Variants in SLC25A25 observed in about 807,000 individuals in gnomAD.
SLC25A25 encodes the protein mitochondrial adenyl nucleotide antiporter SLC25A25.
SLC25A25 carries 32 observed loss-of-function variants against 57.7 expected under a neutral mutation model. The observed-to-expected ratio is 0.55, with a 90% confidence interval of 0.42 to 0.74. SLC25A25 has a LOEUF of 0.74. Among genes scored for constraint, SLC25A25 ranks in the 30% least tolerant of loss-of-function variants. The pLI, the probability that SLC25A25 is intolerant of heterozygous loss-of-function variation, is 0.00. For synonymous variants in SLC25A25, 306 were observed against 291.2 expected (o/e 1.05, Z -0.52); for missense variants, 556 against 701.3 (o/e 0.79, Z 2.34).
chr9:128,106,237 A>C lies in SLC25A25; in HGVS notation c.1024A>C (p.Ser342Arg). 1 of 1,614,162 alleles carries C rather than the reference A, an allele frequency of 6.2e-7. No homozygotes were observed. The highest frequency in any genetic ancestry group is 2.2e-5 in the East Asian group (1 of 44,882). Reference protein sequence around the residue: ...AGSLAGAIAQSSIYPMEVLKT... With the variant: ...AGSLAGAIAQRSIYPMEVLKT... ...GTCCTTGGCAGGGGCCATCGCCCAG[A>C]GCAGCATCTACCCAATGGAGGTGAG... The change falls in exon 8 of 11, where the codon AGC becomes CGC. Residue 342 changes from serine to arginine, a missense_variant. By Grantham distance (110) the Ser-to-Arg change is moderately radical. Coordinates refer to ENST00000373069, the MANE Select transcript of SLC25A25 (RefSeq NM_001330988.2).
chr9:128,105,449 G>T (rs1378336945), intron 6 of SLC25A25, among the ~76,000 whole-genome samples: 2 of 151,858 alleles, frequency 1.3e-5, no homozygotes, highest in Non-Finnish European at 2.9e-5. Context: ...GGGATTACAG[G>T]CATGAGCCAC....
intron 1 of SLC25A25, among the ~76,000 whole-genome samples, chr9:128,094,994 C>T (rs10819355): frequency 0.13 from 19,123 of 152,232 alleles, 1,311 homozygotes; most frequent in South Asian, 0.22. Flanking sequence ...AGCGAGGCAT[C>T]GCACACAATG....
intron 1 of SLC25A25, among the ~76,000 whole-genome samples, chr9:128,084,075 A>C (rs1833221117): frequency 6.6e-6 from 1 of 151,990 alleles, no homozygotes; most frequent in South Asian, 2.1e-4. Flanking sequence ...GTATTCCATT[A>C]CTGTTCTCTG....
chr9:128,081,171 C>T (rs903982549), intron 1 of SLC25A25, among the ~76,000 whole-genome samples: 3 of 152,180 alleles, frequency 2.0e-5, no homozygotes, highest in Non-Finnish European at 4.4e-5. Context: ...CATCCAGTTG[C>T]CCTCCCACCC....
intron 1 of SLC25A25, among the ~76,000 whole-genome samples, chr9:128,084,359 C>T (rs1362595458): frequency 1.3e-5 from 2 of 151,592 alleles, no homozygotes; most frequent in Non-Finnish European, 2.9e-5. Context: ...CTCCTGGGTT[C>T]AAGCGATTCT....
chr9:128,095,556 T>C lies in SLC25A25; in HGVS notation c.262-5540T>C, dbSNP rs1444986859. On this transcript the variant is annotated intron_variant, in intron 1 of 10. Transcript: ENST00000373069. The surrounding 1 kb of genome is among the most constrained non-coding windows in gnomAD (Gnocchi z 4.4). ...GTCTTGAGTTACCTGTGAAACTCAG[T>C]AGGATGGATGATTTAAAAAACCAAA... is the stretch of plus-strand genomic sequence containing the variant. 1.3e-5 allele frequency among the ~76,000 whole-genome samples: 2 copies of C among 152,196 alleles called. No homozygotes were observed. Among genetic ancestry groups the C allele is most frequent in the South Asian group, 2.1e-4 (1 of 4,832 alleles).
intron 1 of SLC25A25, among the ~76,000 whole-genome samples, chr9:128,073,942 C>T (rs1431021416): frequency 6.6e-6 from 1 of 152,080 alleles, no homozygotes; most frequent in African/African-American, 2.4e-5. Context: ...CCATTTTGGC[C>T]AGGCTGGTAT....
At chr9:128,081,338 T>C (rs995565866) in intron 1 of SLC25A25, among the ~76,000 whole-genome samples, 1 of 152,252 alleles carries the variant, frequency 6.6e-6, no homozygotes, top group African/African-American at 2.4e-5. Flanking sequence ...TCCTGAGATC[T>C]GTTTTCAGAA....
At chr9:128,092,201 T>C (rs1833429481) in intron 1 of SLC25A25, 3 of 1,380,400 alleles carry the variant, frequency 2.2e-6, no homozygotes, top group Non-Finnish European at 2.9e-6. Context: ...TAGTTCGGGG[T>C]TCAGGGAGAA....
chr9:128,079,193 G>C (rs1833082888), intron 1 of SLC25A25, among the ~76,000 whole-genome samples: 1 of 152,048 alleles, frequency 6.6e-6, no homozygotes, highest in Non-Finnish European at 1.5e-5. Context: ...CTCATTTTCT[G>C]CAGGGTCAGT....
In SLC25A25 at chr9:128,070,874, C is replaced by T. The variant is rs376537216; in HGVS notation, c.261+2294C>T. Among the ~76,000 whole-genome samples the T allele has an allele frequency of 2.7e-4, 39 of 142,290 alleles. 1 individual carries two copies. In the East Asian group the frequency reaches 7.1e-3, roughly 26 times the overall value. 93.3% of individuals were successfully genotyped at this position (142,290 alleles called of 152,430 possible). A position where few individuals can be genotyped will look rare whatever the true frequency, so the allele number is the denominator to read the frequency against. On this transcript the variant is annotated intron_variant, in intron 1 of 10. Transcript: ENST00000373069. ...CTGAGGCAGGAGAATCGCTTGAACC[C>T]GGGAGGCGGAGATTGCGGTGAGCTG...
At position 128,108,624 on chromosome 9, in the gene SLC25A25, GTTGATTGTACCT is replaced by G. The variant is rs1412216815; in HGVS notation, c.*1182_*1193del. 1 of 163,326 alleles carries G rather than the reference GTTGATTGTACCT, an allele frequency of 6.1e-6. No individual in the cohort carries two copies. Among genetic ancestry groups the G allele is most frequent in the Non-Finnish European group, 1.3e-5 (1 of 75,862 alleles). The allele number at this position is 163,326 out of a possible 1,614,324, so 10.1% of individuals were successfully genotyped here. On this transcript the variant is annotated 3_prime_UTR_variant, in exon 11 of 11. Transcript: ENST00000373069. ...TTTTTTATTCATATTTATGTTCATG[GTTGATTGTACCT>G]TCCCAAGCCCGCCCAGTGGGATGGG... is the stretch of plus-strand genomic sequence containing the variant.
intron 1 of SLC25A25, 105 bp downstream of exon 1, chr9:128,068,685 C>T: frequency 1.7e-5 from 21 of 1,248,104 alleles, no homozygotes; most frequent in Non-Finnish European, 2.2e-5. Flanking sequence ...CCCCACTGTC[C>T]AGAGGAAGGG....
At chr9:128,097,155 T>C (rs1329131151) in intron 1 of SLC25A25, among the ~76,000 whole-genome samples, 3 of 152,198 alleles carry the variant, frequency 2.0e-5, no homozygotes, top group African/African-American at 7.2e-5. Flanking sequence ...TGGGAAGATA[T>C]AGTCTATATT....
At position 128,106,334 on chromosome 9, in the gene SLC25A25, C is replaced by T. The variant is rs781548921; in HGVS notation, c.1045-19C>T. The T allele has an allele frequency of 4.4e-5, 71 of 1,613,560 alleles. No homozygotes were observed. Among genetic ancestry groups the T allele is most frequent in the African/African-American group, 9.3e-5 (7 of 74,920 alleles). On this transcript the variant is annotated intron_variant, in intron 8 of 10. Coordinates refer to ENST00000373069, the MANE Select transcript of SLC25A25 (RefSeq NM_001330988.2). ...AGGCACAGGCTGTGCTCACGCGTCC[C>T]GCTGCTCCTGTTGTGCAGGTCCTGA...
chr9:128,078,358 A>G lies in SLC25A25; in HGVS notation c.261+9778A>G, dbSNP rs78968736. Among the ~76,000 whole-genome samples the G allele has an allele frequency of 7.0e-3, 1,061 of 151,614 alleles. 30 individuals are homozygous for G. In the East Asian group the frequency reaches 0.11, roughly 16 times the overall value. The stretch of plus-strand genomic sequence containing the variant: ...TGAAAAGCGAAAGGCAAGGGAGGGC[A>G]AAGCCTGGGGACATCAGCATTAAAG... On this transcript the variant is annotated intron_variant, in intron 1 of 10. Coordinates refer to ENST00000373069, the MANE Select transcript of SLC25A25 (RefSeq NM_001330988.2).
intron 1 of SLC25A25, among the ~76,000 whole-genome samples, chr9:128,087,253 AT>A (rs1833298440): frequency 6.6e-6 from 1 of 151,800 alleles, no homozygotes; most frequent in African/African-American, 2.4e-5. Flanking sequence ...TCATTCTTTT[AT>A]TTTATTGTAT....
rs1424606831 is a variant in SLC25A25 at position 128,099,246 on chromosome 9, C to T, written c.262-1850C>T. The T allele has an allele frequency of 1.6e-5, 20 of 1,288,818 alleles. No homozygotes were observed. The highest frequency in any genetic ancestry group is 7.4e-5 in the South Asian group (6 of 81,010). 79.8% of individuals were successfully genotyped at this position (1,288,818 alleles called of 1,614,324 possible). A position where few individuals can be genotyped will look rare whatever the true frequency, so the allele number is the denominator to read the frequency against. ...GAGGCCCCTTGCCACCTCGGCTTCTCGGTTAATCAGTTTCCCTGCTACCCC... is the reference window on the plus strand; with the variant it reads ...GAGGCCCCTTGCCACCTCGGCTTCTTGGTTAATCAGTTTCCCTGCTACCCC... On this transcript the variant is annotated intron_variant, in intron 1 of 10. Coordinates refer to ENST00000373069, the MANE Select transcript of SLC25A25 (RefSeq NM_001330988.2). The surrounding 1 kb of genome is among the most constrained non-coding windows in gnomAD (Gnocchi z 6.8).
chr9:128,097,743 G>A lies in SLC25A25; in HGVS notation c.262-3353G>A, dbSNP rs150068619. The stretch of plus-strand genomic sequence containing the variant: ...ACTGACCCCAGATTGATGCTTCTGG[G>A]GAGTCCTTTGGCATGGTGTCCTCTT... On this transcript the variant is annotated intron_variant, in intron 1 of 10. Coordinates refer to ENST00000373069, the MANE Select transcript of SLC25A25 (RefSeq NM_001330988.2). Among the ~76,000 whole-genome samples the A allele has an allele frequency of 9.5e-3, 1,447 of 152,328 alleles. 7 individuals carry two copies. The highest frequency in any genetic ancestry group is 0.014 in the Non-Finnish European group (964 of 68,018).
Sources: gnomAD v4.1 joint callset for allele counts (sites outside exome capture counted in the v4.1 genomes callset) on GRCh38, gnomAD v4.1.1 for gene constraint, Gnocchi (gnomAD v3.1) non-coding constraint, MANE v1.5 for transcripts, NCBI Gene and HGNC (gene_info 2026-07-23, HGNC 2026-07-21) for gene names.